The following PLA2G4B variants were observed in gnomAD, a reference collection of about 807,000 sequenced individuals.
PLA2G4B encodes the protein cytosolic phospholipase A2 beta.
A neutral mutation model predicts 95.8 loss-of-function variants in PLA2G4B; 122 were observed. The ratio of observed to expected loss-of-function variants is 1.27; its 90% confidence interval spans 1.10 to 1.48. PLA2G4B has a LOEUF of 1.48. Among genes scored for constraint, PLA2G4B ranks in the 40% most tolerant of loss-of-function variants. The pLI is 0.00. For synonymous variants in PLA2G4B, 518 were observed against 421.5 expected, an observed-to-expected ratio of 1.23 and a Z score of -2.80; for missense variants, 1,158 against 996.2, an observed-to-expected ratio of 1.16 and a Z score of -2.19.
chr15:41,844,838 C>G lies in PLA2G4B; in HGVS notation c.1017-10C>G. 6.3e-7 allele frequency: 1 copy of G among 1,593,132 alleles called. No individual in the cohort carries two copies. The highest frequency in any genetic ancestry group is 8.5e-7 in the Non-Finnish European group (1 of 1,170,078). On this transcript the variant is annotated splice_polypyrimidine_tract_variant and intron_variant, in intron 12 of 19. Transcript: ENST00000458483. ...GACAGCCCTCTGGCTTTGGCTTTGGCTTTTCCCAGGGCCTTGGCCAACCTT... is the reference window on the plus strand; with the variant it reads ...GACAGCCCTCTGGCTTTGGCTTTGGGTTTTCCCAGGGCCTTGGCCAACCTT...
rs145236773 is a variant in PLA2G4B at position 41,844,457 on chromosome 15, CTCT to C, written c.880-9_880-7del. On this transcript the variant is annotated splice_polypyrimidine_tract_variant and intron_variant, in intron 11 of 19. Coordinates refer to ENST00000458483, the MANE Select transcript of PLA2G4B (RefSeq NM_001114633.2). ...CCCTAGGGCCTCTACAGGCCTGGCTCTCTTCTTTTCCAGATCCCAGTGGTAGCT... is the reference window on the plus strand; with the variant it reads ...CCCTAGGGCCTCTACAGGCCTGGCTCTCTTTTCCAGATCCCAGTGGTAGCT... The C allele has an allele frequency of 2.4e-3, 3,794 of 1,614,190 alleles. 79 individuals are homozygous for C. In the African/African-American group the frequency reaches 0.044, roughly 19 times the overall value.
chr15:41,839,253 G>A, intron 1 of PLA2G4B: 1 of 250,964 alleles, frequency 4.0e-6, no homozygotes, highest in Non-Finnish European at 7.8e-6. Context: ...TCAGTTGCCT[G>A]GAGTGTGAGG....
chr15:41,842,322 G>A (rs2065447677), intron 9 of PLA2G4B, 46 bp downstream of exon 9: 1 of 1,609,788 alleles, frequency 6.2e-7, no homozygotes, highest in African/African-American at 1.3e-5. Context: ...GATGGGGCTG[G>A]GACCCAGGCC....
chr15:41,845,113 G>A (rs756938377), intron 13 of PLA2G4B, 43 bp downstream of exon 13: 2 of 1,601,714 alleles, frequency 1.2e-6, no homozygotes, highest in African/African-American at 1.3e-5. Context: ...GGCAAGGGCT[G>A]GAGCTGGGGC....
intron 17 of PLA2G4B, 27 bp downstream of exon 17, chr15:41,846,409 T>C: frequency 6.3e-7 from 1 of 1,587,372 alleles, no homozygotes; most frequent in Non-Finnish European, 8.6e-7. Flanking sequence ...AAAGTCCTCC[T>C]GTGGCCACCT....
At position 41,840,594 on chromosome 15, in the gene PLA2G4B, G is replaced by A. The variant is rs373743773; in HGVS notation, c.153G>A (p.Thr51=). ...TACSHRLQTR[T]VKNSSSPVWN... ...GCAGCCACAGGCTCCAGACACGCAC[G>A]GTCAAGAACAGCAGTAGCCCTGTCT... Residue 51 remains threonine, a synonymous_variant, in exon 3 of 20, where the codon ACG becomes ACA. Coordinates refer to ENST00000458483, the MANE Select transcript of PLA2G4B (RefSeq NM_001114633.2). 10 of 1,613,818 alleles carry A rather than the reference G, an allele frequency of 6.2e-6. No homozygotes were observed. The East Asian group carries it at 6.7e-5, about 11-fold the overall frequency.
chr15:41,846,150 A>C (rs766305950), intron 16 of PLA2G4B, 53 bp from the exon 17 acceptor site: 7 of 1,596,006 alleles, frequency 4.4e-6, no homozygotes, highest in Non-Finnish European at 6.0e-6. Context: ...GGTCACCACC[A>C]AGGTGGGGAT....
chr15:41,846,099 T>C, intron 16 of PLA2G4B, 52 bp downstream of exon 16: 1 of 1,572,914 alleles, frequency 6.4e-7, no homozygotes, highest in Non-Finnish European at 8.7e-7. Context: ...CAGCTGGGGC[T>C]GCACCAGGGG....
In PLA2G4B at chr15:41,842,275, A is replaced by T. The variant is rs200382054; in HGVS notation, c.704A>T (p.Gln235Leu). Residue 235 changes from glutamine to leucine, a missense_variant and splice_region_variant, in exon 9 of 20, where the codon CAG (glutamine) becomes CTG (leucine). Gln to Leu is a moderately radical substitution (Grantham distance 113). Transcript: ENST00000458483. ...GTGAGGCTTGTCTTCCCCACGTCCC[A>T]GGTACTGGCCTCCCAGGGAAGGAAG... ...QVVRLVFPTS[Q>L]EPLMRVELKK... is the part of the protein sequence containing the mutation. The T allele has an allele frequency of 1.3e-5, 21 of 1,613,932 alleles. No individual in the cohort carries two copies. The East Asian group carries it at 4.5e-4, about 34-fold the overall frequency.
At position 41,845,363 on chromosome 15, in the gene PLA2G4B, G is replaced by A. The variant is rs371558008; in HGVS notation, c.1357+43G>A. On this transcript the variant is annotated intron_variant, in intron 14 of 19. Coordinates refer to ENST00000458483, the MANE Select transcript of PLA2G4B (RefSeq NM_001114633.2). ...TGAGACCTGTGCCCTTGCAGTTGGT[G>A]GAATAAGGGGAGAACGAGGACTGTG... The A allele has an allele frequency of 3.3e-5, 52 of 1,598,972 alleles. No homozygotes were observed. The African/African-American group carries it at 6.2e-4, about 19-fold the overall frequency.
In PLA2G4B at chr15:41,844,533, G is replaced by C; in HGVS notation, c.942G>C (p.Gly314=). 1 of 1,614,194 alleles carries C rather than the reference G, an allele frequency of 6.2e-7. No individual in the cohort carries two copies. The highest frequency in any genetic ancestry group is 8.5e-7 in the Non-Finnish European group (1 of 1,180,034). The change falls in exon 12 of 20, where the codon GGG becomes GGC. Residue 314 remains glycine, a synonymous_variant. Coordinates refer to ENST00000458483, the MANE Select transcript of PLA2G4B (RefSeq NM_001114633.2). The part of the protein sequence containing the change: ...GGIRAMTSLY[G]QLAGLKELGL... ...TCCGGGCAATGACTTCCCTGTATGGGCAGCTGGCTGGCCTGAAGGAGCTGG... is the reference window on the plus strand; with the variant it reads ...TCCGGGCAATGACTTCCCTGTATGGCCAGCTGGCTGGCCTGAAGGAGCTGG...
At chr15:41,841,160 G>A in intron 5 of PLA2G4B, 65 bp downstream of exon 5, 1 of 1,614,020 alleles carries the variant, frequency 6.2e-7, no homozygotes, top group Non-Finnish European at 8.5e-7. Flanking sequence ...ACTAGTGCCT[G>A]GGGGATGCCC....
intron 14 of PLA2G4B, 125 bp from the exon 15 acceptor site, chr15:41,845,513 A>G (rs2065522372): frequency 6.7e-7 from 1 of 1,501,448 alleles, no homozygotes; most frequent in South Asian, 1.3e-5. Flanking sequence ...CTATGCACGA[A>G]GCCCAGGCCA....
chr15:41,840,372 G>A (rs2140888037), intron 2 of PLA2G4B, 142 bp downstream of exon 2: 2 of 1,573,152 alleles, frequency 1.3e-6, no homozygotes, highest in African/African-American at 1.3e-5. Flanking sequence ...GAGCTTCTGG[G>A]TGGAAGGTGG....
In PLA2G4B at chr15:41,840,489, C is replaced by T. The variant is rs561918797; in HGVS notation, c.83-35C>T. 7 of 1,612,760 alleles carry T rather than the reference C, an allele frequency of 4.3e-6. No individual in the cohort carries two copies. In the African/African-American group the frequency reaches 9.3e-5, roughly 21 times the overall value. On this transcript the variant is annotated intron_variant, in intron 2 of 19. Coordinates refer to ENST00000458483, the MANE Select transcript of PLA2G4B (RefSeq NM_001114633.2). ...TGGGTCTGGGCGGCTGGGAAGGGCTCTTGTCCACCGCTGGGCACTTGTTCC... is the reference window on the plus strand; with the variant it reads ...TGGGTCTGGGCGGCTGGGAAGGGCTTTTGTCCACCGCTGGGCACTTGTTCC...
intron 10 of PLA2G4B, 46 bp downstream of exon 10, chr15:41,842,637 A>AG (rs1158507986): frequency 1.2e-6 from 2 of 1,602,534 alleles, no homozygotes; most frequent in Admixed American, 3.6e-5. Context: ...GAAAACAACC[A>AG]GGGTGCGGGG....
Position 41,840,911 on chromosome 15 carries a change from G to A in PLA2G4B, c.351+6G>A. ...GCTTCTCACTGAGCCCTCAGGCAAGGCGGTGTTTCCACGGCAGCCCTAGCT... is the reference window on the plus strand; with the variant it reads ...GCTTCTCACTGAGCCCTCAGGCAAGACGGTGTTTCCACGGCAGCCCTAGCT... On this transcript the variant is annotated splice_donor_region_variant and intron_variant, in intron 4 of 19. Transcript: ENST00000458483. 1 of 1,611,762 alleles carries A rather than the reference G, an allele frequency of 6.2e-7. No homozygotes were observed. The highest frequency in any genetic ancestry group is 8.5e-7 in the Non-Finnish European group (1 of 1,178,190).
At position 41,841,110 on chromosome 15, in the gene PLA2G4B, T is replaced by A. The variant is rs761040203; in HGVS notation, c.392+15T>A. The stretch of plus-strand genomic sequence containing the variant: ...CTGCAGAGTCTGTGAGTCAGGGGCC[T>A]GGGGCAGTTTGGGTGGGAGTGCCTT... On this transcript the variant is annotated intron_variant, in intron 5 of 19. Transcript: ENST00000458483. 1 of 1,605,732 alleles carries A rather than the reference T, an allele frequency of 6.2e-7. No individual in the cohort carries two copies. Among genetic ancestry groups the A allele is most frequent in the Non-Finnish European group, 8.5e-7 (1 of 1,173,632 alleles).
chr15:41,846,537 G>A, intron 17 of PLA2G4B, 132 bp from the exon 18 acceptor site: 1 of 1,504,020 alleles, frequency 6.6e-7, no homozygotes, highest in Non-Finnish European at 8.9e-7. Flanking sequence ...TGGGGACCCA[G>A]GGCCCACCTG....
Sources: allele counts gnomAD v4.1 joint callset, GRCh38; gene constraint gnomAD v4.1.1; transcripts MANE v1.5; gene names NCBI Gene and HGNC (gene_info 2026-07-23, HGNC 2026-07-21).